Variants in SLC25A48 observed in about 807,000 individuals in gnomAD.
SLC25A48 encodes CTC-321K16.1.
A neutral mutation model predicts 32.2 loss-of-function variants in SLC25A48; 29 were observed. That is an observed-to-expected ratio of 0.90 (90% confidence interval 0.67 to 1.23). The LOEUF (loss-of-function observed/expected upper bound fraction) is 1.23. Among genes scored for constraint, SLC25A48 ranks in the 50% most tolerant of loss-of-function variants. The pLI is 0.00. For synonymous variants in SLC25A48, 164 were observed against 172.3 expected, an observed-to-expected ratio of 0.95 and a Z score of 0.38; for missense variants, 399 against 422.7, an observed-to-expected ratio of 0.94 and a Z score of 0.49.
chr5:135,593,198 C>T (rs991198220), intron 1 of SLC25A48, among the ~76,000 whole-genome samples: 1 of 152,140 alleles, frequency 6.6e-6, no homozygotes, highest in African/African-American at 2.4e-5. Flanking sequence ...CATTTCTAGT[C>T]ACGGCTGATG....
At chr5:135,699,283 G>A (rs1375025683) in intron 3 of SLC25A48, among the ~76,000 whole-genome samples, 1 of 152,106 alleles carries the variant, frequency 6.6e-6, no homozygotes, top group African/African-American at 2.4e-5. Context: ...TGTTCAACAG[G>A]AGAATAGATT....
At chr5:135,590,618 A>G (rs1162887954) in intron 1 of SLC25A48, among the ~76,000 whole-genome samples, 2 of 152,092 alleles carry the variant, frequency 1.3e-5, no homozygotes, top group Non-Finnish European at 2.9e-5. Context: ...GTGGAGGAGA[A>G]CAGAGACCTG....
chr5:135,819,757 G>T (rs1055513791), intron 4 of SLC25A48, among the ~76,000 whole-genome samples: 8 of 152,090 alleles, frequency 5.3e-5, no homozygotes, highest in African/African-American at 1.9e-4. Flanking sequence ...TAACAATAAA[G>T]TTATTAAAAT....
At chr5:135,881,998 C>A (rs796429395) in intron 7 of SLC25A48, among the ~76,000 whole-genome samples, 2 of 152,370 alleles carry the variant, frequency 1.3e-5, no homozygotes, top group South Asian at 2.1e-4. Context: ...ACTGTGACCA[C>A]CCTGGTGATT....
rs574580738 is a variant in SLC25A48 at position 135,763,634 on chromosome 5, G to C, written c.-520-48889G>C. On this transcript the variant is annotated intron_variant, in intron 3 of 10. Transcript: ENST00000646290. ...GCCCTCAGCACCACTCAAGCCAACAGGTGTTCCACTGGCCCACCTTATGGC... is the reference window on the plus strand; with the variant it reads ...GCCCTCAGCACCACTCAAGCCAACACGTGTTCCACTGGCCCACCTTATGGC... 7.2e-4 allele frequency among the ~76,000 whole-genome samples: 109 copies of C among 152,212 alleles called. 2 individuals carry two copies. The South Asian group carries it at 0.022, about 31-fold the overall frequency.
chr5:135,857,120 A>G (rs1167167540), intron 4 of SLC25A48, among the ~76,000 whole-genome samples: 1 of 152,224 alleles, frequency 6.6e-6, no homozygotes, highest in African/African-American at 2.4e-5. Context: ...GGTGTTTCCC[A>G]ATAAATACTT....
intron 3 of SLC25A48, among the ~76,000 whole-genome samples, chr5:135,748,889 TTG>T (rs1357713154): frequency 6.6e-6 from 1 of 152,022 alleles, no homozygotes; most frequent in African/African-American, 2.4e-5. Flanking sequence ...TGGCTAATTT[TTG>T]TGTTTTTAGT....
chr5:135,883,520 C>T (rs1411103647), intron 7 of SLC25A48: 63 of 973,184 alleles, frequency 6.5e-5, no homozygotes, highest in Non-Finnish European at 7.3e-5. Flanking sequence ...TCATTCCTCT[C>T]TCTCTGTTCA....
At chr5:135,819,872 G>T (rs1757835438) in intron 4 of SLC25A48, among the ~76,000 whole-genome samples, 1 of 152,076 alleles carries the variant, frequency 6.6e-6, no homozygotes, top group African/African-American at 2.4e-5. Context: ...ATTAAAACCA[G>T]CGTGGTATCT....
chr5:135,673,597 C>A (rs1309104228), intron 3 of SLC25A48, among the ~76,000 whole-genome samples: 1 of 151,990 alleles, frequency 6.6e-6, no homozygotes, highest in Non-Finnish European at 1.5e-5. Flanking sequence ...TGTAAGAGTT[C>A]TTTACATATT....
At chr5:135,767,411 G>T (rs748632738) in intron 3 of SLC25A48, among the ~76,000 whole-genome samples, 10 of 152,018 alleles carry the variant, frequency 6.6e-5, no homozygotes, top group Non-Finnish European at 1.3e-4. Context: ...ACACCCCTGT[G>T]ATATGGTTCA....
intron 1 of SLC25A48, among the ~76,000 whole-genome samples, chr5:135,612,890 A>T (rs1752104644): frequency 6.6e-6 from 1 of 152,252 alleles, no homozygotes; most frequent in African/African-American, 2.4e-5. Flanking sequence ...ATGTGAGCAC[A>T]TATATCCCTT....
chr5:135,829,620 T>C (rs1303094109), intron 4 of SLC25A48, among the ~76,000 whole-genome samples: 1 of 145,196 alleles, frequency 6.9e-6, no homozygotes, highest in African/African-American at 2.6e-5. Context: ...TATGGCACAG[T>C]TGGACAGTGT....
intron 6 of SLC25A48, chr5:135,874,696 C>T (rs1384179110): frequency 8.5e-6 from 6 of 702,562 alleles, no homozygotes; most frequent in Admixed American, 8.0e-5. Flanking sequence ...TGGGCTGTGT[C>T]TCCTCTGTTC....
intron 1 of SLC25A48, among the ~76,000 whole-genome samples, chr5:135,586,814 C>T (rs1751377050): frequency 6.6e-6 from 1 of 152,118 alleles, no homozygotes; most frequent in South Asian, 2.1e-4. Context: ...CCAAATTGTG[C>T]AGGGTCCTGG....
At chr5:135,665,775 A>T (rs1397179680) in intron 3 of SLC25A48, among the ~76,000 whole-genome samples, 1 of 151,332 alleles carries the variant, frequency 6.6e-6, no homozygotes, top group Non-Finnish European at 1.5e-5. Flanking sequence ...GAAAAAAAAA[A>T]ATCAGATTCA....
At chr5:135,708,176 A>G (rs1282057043) in intron 3 of SLC25A48, among the ~76,000 whole-genome samples, 1 of 152,136 alleles carries the variant, frequency 6.6e-6, no homozygotes, top group Non-Finnish European at 1.5e-5. Flanking sequence ...ACTTTTTATT[A>G]TAGAAACTTT....
chr5:135,702,276 C>T (rs925635448), intron 3 of SLC25A48, among the ~76,000 whole-genome samples: 5 of 152,232 alleles, frequency 3.3e-5, no homozygotes, highest in Non-Finnish European at 7.3e-5. Flanking sequence ...CAAGTTAAGA[C>T]GAGGTCATGC....
At chr5:135,846,546 C>T (rs1561528225) in intron 2 of SLC25A48, among the ~76,000 whole-genome samples, 2 of 152,214 alleles carry the variant, frequency 1.3e-5, no homozygotes, top group Non-Finnish European at 2.9e-5. Context: ...GCCACCTCAC[C>T]TCTGACACTG....
Sources: gnomAD v4.1 joint callset for allele counts (sites outside exome capture counted in the v4.1 genomes callset) on GRCh38, gnomAD v4.1.1 for gene constraint, MANE v1.5 for transcripts, NCBI Gene and HGNC (gene_info 2026-07-23, HGNC 2026-07-21) for gene names.